SLC25A25: variants seen among roughly 807,000 people sequenced by gnomAD.
SLC25A25 encodes solute carrier family 25 member 25, also known as mitochondrial adenyl nucleotide antiporter SLC25A25.
Under a neutral mutation model 57.7 loss-of-function variants are expected in SLC25A25, and 32 were observed. The ratio of observed to expected loss-of-function variants is 0.55; its 90% CI spans 0.42 to 0.74. The LOEUF (loss-of-function observed/expected upper bound fraction) is 0.74, where lower values mean the gene tolerates loss of function less well. SLC25A25 is among the 30% of genes least tolerant of loss of function. SLC25A25 has a pLI of 0.00. For missense variants in SLC25A25, 556 were observed against 701.3 expected (o/e 0.79, Z 2.34); for synonymous variants, 306 against 291.2 (o/e 1.05, Z -0.52).
At chr9:128,076,450 A>T (rs1420157717) in intron 1 of SLC25A25, among the ~76,000 whole-genome samples, 6 of 98,818 alleles carry the variant, frequency 6.1e-5, no homozygotes, top group African/African-American at 2.7e-4. Flanking sequence ...TTTTATTTTT[A>T]TTTTTATTTT....
chr9:128,095,913 G>C lies in SLC25A25; in HGVS notation c.262-5183G>C, dbSNP rs1406847327. On this transcript the variant is annotated intron_variant, in intron 1 of 10. Transcript: ENST00000373069. This position sits in a 1 kb window ranked among gnomAD's most constrained non-coding sequence, Gnocchi z 4.4. ...GTTAAATACATTATAAAACTCAATG[G>C]TACAGTAATATGTGCCATAATTATT... 6.6e-6 allele frequency among the ~76,000 whole-genome samples: 1 copy of C among 152,088 alleles called. No individual in the cohort carries two copies. The highest frequency in any genetic ancestry group is 1.5e-5 in the Non-Finnish European group (1 of 68,022).
intron 1 of SLC25A25, among the ~76,000 whole-genome samples, chr9:128,074,981 C>T (rs886125489): frequency 6.6e-6 from 1 of 152,016 alleles, no homozygotes; most frequent in East Asian, 1.9e-4. Context: ...ACTAAAAATA[C>T]AAAACTTAGC....
intron 1 of SLC25A25, among the ~76,000 whole-genome samples, chr9:128,069,361 C>T (rs1832850664): frequency 6.6e-6 from 1 of 152,184 alleles, no homozygotes; most frequent in Admixed American, 6.5e-5. Context: ...TCTTTCCCTT[C>T]TGTCTCTTCC....
Position 128,101,178 on chromosome 9 carries a change from A to T in SLC25A25, c.344A>T (p.Lys115Met), listed in dbSNP as rs1833777038. The part of the protein sequence containing the change: ...EFVHYLQDHE[K>M]KLRLVFKSLD... ...GTCCATTATCTCCAAGATCATGAGA[A>T]GAAGCTGAGGCTGGTGTTTAAGAGT... Residue 115 changes from lysine to methionine, a missense_variant, in exon 2 of 11, where the codon AAG becomes ATG. Physicochemically the swap from Lys to Met is moderately conservative, Grantham distance 95. Coordinates refer to ENST00000373069, the MANE Select transcript of SLC25A25 (RefSeq NM_001330988.2). This position sits in a 1 kb window ranked among gnomAD's most constrained non-coding sequence, Gnocchi z 4.9. The T allele has an allele frequency of 1.2e-6, 2 of 1,614,148 alleles. No individual in the cohort carries two copies. The highest frequency in any genetic ancestry group is 1.3e-5 in the African/African-American group (1 of 74,950).
intron 1 of SLC25A25, among the ~76,000 whole-genome samples, chr9:128,092,866 C>T (rs916375638): frequency 6.6e-6 from 1 of 152,180 alleles, no homozygotes; most frequent in Non-Finnish European, 1.5e-5. Flanking sequence ...TGTGCTGCCT[C>T]GTTTTCCCCT....
chr9:128,070,132 C>G (rs1832873019), intron 1 of SLC25A25, among the ~76,000 whole-genome samples: 1 of 117,972 alleles, frequency 8.5e-6, no homozygotes, highest in South Asian at 2.9e-4. Flanking sequence ...ACTCTGTCAC[C>G]CAGGCTCGAG....
In SLC25A25 at chr9:128,103,781, C is replaced by A; in HGVS notation, c.725C>A (p.Ala242Glu). 6.2e-7 allele frequency: 1 copy of A among 1,613,658 alleles called. No individual in the cohort carries two copies. Among genetic ancestry groups the A allele is most frequent in the Non-Finnish European group, 8.5e-7 (1 of 1,179,782 alleles). Residue 242 changes from alanine to glutamate, a missense_variant, in exon 6 of 11, where the codon GCA (alanine) becomes GAA (glutamate). Ala to Glu is a moderately radical substitution (Grantham distance 107). Transcript: ENST00000373069. This position sits in a 1 kb window ranked among gnomAD's most constrained non-coding sequence, Gnocchi z 6.7. ...WWRHLVAGGG[A>E]GAVSRTCTAP... The stretch of plus-strand genomic sequence containing the variant: ...AGACACCTGGTGGCAGGAGGTGGGG[C>A]AGGGGCCGTATCCAGAACCTGCACG...
chr9:128,073,010 A>C (rs1398589935), intron 1 of SLC25A25, among the ~76,000 whole-genome samples: 1 of 152,178 alleles, frequency 6.6e-6, no homozygotes, highest in Non-Finnish European at 1.5e-5. Context: ...TCATTTAGAG[A>C]CTGGCATCCA....
chr9:128,080,806 A>T (rs1004719312), intron 1 of SLC25A25, among the ~76,000 whole-genome samples: 2 of 152,140 alleles, frequency 1.3e-5, no homozygotes, highest in African/African-American at 4.8e-5. Flanking sequence ...TGGAATCCAT[A>T]TAATGTTAGA....
Position 128,107,561 on chromosome 9 carries a change from A to G in SLC25A25, c.*117A>G. ...AGCTGTCTCGAGCCAAGCTGTGAAA[A>G]CCCTAGACGCACCCGCAGGGAGGGT... On this transcript the variant is annotated 3_prime_UTR_variant, in exon 11 of 11. Transcript: ENST00000373069. 8.0e-7 allele frequency: 1 copy of G among 1,256,814 alleles called. No homozygotes were observed. Among genetic ancestry groups the G allele is most frequent in the Non-Finnish European group, 1.1e-6 (1 of 947,336 alleles). The allele number at this position is 1,256,814 out of a possible 1,614,324, so 77.9% of individuals were successfully genotyped here.
intron 10 of SLC25A25, 40 bp downstream of exon 10, chr9:128,107,219 G>T (rs115948293): frequency 3.7e-6 from 6 of 1,612,486 alleles, no homozygotes; most frequent in East Asian, 2.2e-5. Flanking sequence ...AGGTCGGGGG[G>T]AGCGGACAGA....
intron 1 of SLC25A25, among the ~76,000 whole-genome samples, chr9:128,093,258 T>A (rs7873492): frequency 1.3e-5 from 2 of 152,078 alleles, no homozygotes; most frequent in South Asian, 4.1e-4. Context: ...TGAGATGTCT[T>A]TGCTTAATAT....
chr9:128,106,417 G>A lies in SLC25A25; in HGVS notation c.1109G>A (p.Arg370Lys), dbSNP rs1157390459. Residue 370 changes from arginine to lysine, a missense_variant, in exon 9 of 11, where the codon AGG becomes AAG. This residue lies in a region of SLC25A25 where 294 missense variants were observed against 389.6 expected (regional missense o/e 0.75). Coordinates refer to ENST00000373069, the MANE Select transcript of SLC25A25 (RefSeq NM_001330988.2). ...GQYSGMLDCARRILAREGVAA... is the reference protein window; with the variant it reads ...GQYSGMLDCAKRILAREGVAA... Reference sequence around the variant, plus strand: ...TACTCAGGAATGCTGGACTGCGCCAGGAGGATCCTGGCCAGAGAGGGGGTG... The same window carrying A: ...TACTCAGGAATGCTGGACTGCGCCAAGAGGATCCTGGCCAGAGAGGGGGTG... The A allele has an allele frequency of 1.9e-6, 3 of 1,613,606 alleles. No individual in the cohort carries two copies. In the African/African-American group the frequency reaches 4.0e-5, roughly 22 times the overall value.
At chr9:128,069,370 C>T (rs1451859911) in intron 1 of SLC25A25, among the ~76,000 whole-genome samples, 1 of 152,170 alleles carries the variant, frequency 6.6e-6, no homozygotes, top group South Asian at 2.1e-4. Context: ...TCTGTCTCTT[C>T]CCCCTTCAGT....
intron 1 of SLC25A25, among the ~76,000 whole-genome samples, chr9:128,097,384 T>C (rs1362955621): frequency 1.3e-5 from 2 of 152,252 alleles, no homozygotes; most frequent in African/African-American, 4.8e-5. Flanking sequence ...TGACTATGCG[T>C]GGCTATCCTG....
intron 1 of SLC25A25, among the ~76,000 whole-genome samples, chr9:128,078,213 G>A (rs1047865829): frequency 4.6e-5 from 7 of 152,244 alleles, no homozygotes; most frequent in African/African-American, 1.7e-4. Context: ...ATAAAGCATA[G>A]AAAGAGCCCA....
At chr9:128,072,454 T>C (rs573070536) in intron 1 of SLC25A25, among the ~76,000 whole-genome samples, 4 of 152,320 alleles carry the variant, frequency 2.6e-5, no homozygotes, top group African/African-American at 7.2e-5. Context: ...TGTGAGTGCT[T>C]ATCAGGGGGT....
At chr9:128,073,006 A>G (rs1832938939) in intron 1 of SLC25A25, among the ~76,000 whole-genome samples, 1 of 152,238 alleles carries the variant, frequency 6.6e-6, no homozygotes, top group African/African-American at 2.4e-5. Context: ...TTGCTCATTT[A>G]GAGACTGGCA....
Position 128,107,458 on chromosome 9 carries a change from G to C in SLC25A25, c.*14G>C, listed in dbSNP as rs377049698. 2.0e-6 allele frequency: 3 copies of C among 1,504,430 alleles called. No homozygotes were observed. The East Asian group carries it at 6.9e-5, about 35-fold the overall frequency. The allele number at this position is 1,504,430 out of a possible 1,614,324, so 93.2% of individuals were successfully genotyped here. On this transcript the variant is annotated 3_prime_UTR_variant, in exon 11 of 11. Transcript: ENST00000373069. Reference sequence around the variant, plus strand: ...CAGTCGCGGTGACGGGGGGAGGGCCGCCCGGCAGTGGACTCGCTGATCCTG... The same window carrying C: ...CAGTCGCGGTGACGGGGGGAGGGCCCCCCGGCAGTGGACTCGCTGATCCTG...
Sources: allele counts gnomAD v4.1 joint callset (sites outside exome capture counted in the v4.1 genomes callset), GRCh38; gene constraint gnomAD v4.1.1; regional missense constraint gnomAD v4.1.1; non-coding constraint Gnocchi (gnomAD v3.1); transcripts MANE v1.5; gene names NCBI Gene and HGNC (gene_info 2026-07-23, HGNC 2026-07-21).